The following PARD3 variants were observed in gnomAD, a reference collection of about 807,000 sequenced individuals.
The protein encoded by PARD3 is par-3 family cell polarity regulator.
Under a neutral mutation model 155.4 loss-of-function variants are expected in PARD3, and 75 were observed. That is an observed-to-expected ratio of 0.48 (90% CI 0.40 to 0.58). The LOEUF is 0.58. Among genes scored for constraint, PARD3 ranks in the 20% least tolerant of loss-of-function variants. The probability of loss-of-function intolerance (pLI) is 0.00; values close to 1 mark genes in which losing one functional copy is unlikely to be tolerated. For missense variants in PARD3, 1,642 were observed against 1,721.7 expected, an observed-to-expected ratio of 0.95 and a Z score of 0.82; for synonymous variants, 576 against 610.5, an observed-to-expected ratio of 0.94 and a Z score of 0.83.
chr10:34,389,676 T>C (rs1022061604), intron 7 of PARD3, among the ~76,000 whole-genome samples: 1 of 152,124 alleles, frequency 6.6e-6, no homozygotes, highest in African/African-American at 2.4e-5. Context: ...GTGGGCAGAA[T>C]AGGGTCTCAT....
At chr10:34,202,235 G>C (rs1951252915) in intron 22 of PARD3, among the ~76,000 whole-genome samples, 1 of 152,058 alleles carries the variant, frequency 6.6e-6, no homozygotes, top group Non-Finnish European at 1.5e-5. Context: ...ATAATACCCG[G>C]CTAATTTTTA....
chr10:34,516,102 T>C (rs1240370348), intron 3 of PARD3, among the ~76,000 whole-genome samples: 1 of 152,070 alleles, frequency 6.6e-6, no homozygotes, highest in Non-Finnish European at 1.5e-5. Context: ...GTAGCTGGGA[T>C]TACAGGCAAC....
At position 34,563,813 on chromosome 10, in the gene PARD3, G is replaced by T. The variant is rs147465516; in HGVS notation, c.223-46654C>A. Among the ~76,000 whole-genome samples the T allele has an allele frequency of 4.8e-3, 733 of 152,234 alleles. 7 individuals are homozygous for T. The highest frequency in any genetic ancestry group is 0.017 in the African/African-American group (706 of 41,552). On this transcript the variant is annotated intron_variant, in intron 2 of 24. Transcript: ENST00000374788. ...CAAAGTGTTGGGATTACAGGTGTGA[G>T]ATACCACACCGAATCCATGTATATT...
chr10:34,307,176 C>T (rs1388788837), intron 20 of PARD3, among the ~76,000 whole-genome samples: 1 of 152,152 alleles, frequency 6.6e-6, no homozygotes, highest in Non-Finnish European at 1.5e-5. Context: ...AGGCGTGAGC[C>T]ACCGCACCCG....
At chr10:34,397,013 A>G (rs1843410935) in intron 7 of PARD3, among the ~76,000 whole-genome samples, 1 of 152,196 alleles carries the variant, frequency 6.6e-6, no homozygotes, top group African/African-American at 2.4e-5. Context: ...TAATTGTGTG[A>G]TTTCTTGGCT....
intron 22 of PARD3, among the ~76,000 whole-genome samples, chr10:34,261,549 C>G (rs1025352138): frequency 6.6e-6 from 1 of 151,774 alleles, no homozygotes; most frequent in African/African-American, 2.4e-5. Flanking sequence ...ATTAGCCAAG[C>G]ATGATGGCAC....
At position 34,456,191 on chromosome 10, in the gene PARD3, G is replaced by A. The variant is rs180744921; in HGVS notation, c.583-5743C>T. On this transcript the variant is annotated intron_variant, in intron 4 of 24. Coordinates refer to ENST00000374788, the MANE Select transcript of PARD3 (RefSeq NM_001184785.2). ...AGTTTGCTAAACTATGGTGGAGTCTGCAACCAGAAACACTGGTCAGAATCC... is the reference window on the plus strand; with the variant it reads ...AGTTTGCTAAACTATGGTGGAGTCTACAACCAGAAACACTGGTCAGAATCC... 7.3e-3 allele frequency among the ~76,000 whole-genome samples: 1,105 copies of A among 152,306 alleles called. 14 individuals carry two copies. The highest frequency in any genetic ancestry group is 0.026 in the African/African-American group (1,063 of 41,564).
chr10:34,168,877 C>T (rs898661099), intron 22 of PARD3, among the ~76,000 whole-genome samples: 1 of 152,184 alleles, frequency 6.6e-6, no homozygotes, highest in Non-Finnish European at 1.5e-5. Context: ...TACTGATGTT[C>T]CTGCTTCCTA....
At chr10:34,539,710 T>G (rs918787520) in intron 2 of PARD3, among the ~76,000 whole-genome samples, 1 of 152,236 alleles carries the variant, frequency 6.6e-6, no homozygotes, top group South Asian at 2.1e-4. Context: ...TACTACTCTG[T>G]GTGGCCTTGG....
intron 22 of PARD3, among the ~76,000 whole-genome samples, chr10:34,263,361 A>G (rs1290760448): frequency 6.6e-6 from 1 of 152,178 alleles, no homozygotes; most frequent in Non-Finnish European, 1.5e-5. Flanking sequence ...AGCTGATGGC[A>G]GAAGAGCCCA....
intron 1 of PARD3, among the ~76,000 whole-genome samples, chr10:34,752,630 A>C (rs1836196446): frequency 6.6e-6 from 1 of 152,170 alleles, no homozygotes; most frequent in Non-Finnish European, 1.5e-5. Flanking sequence ...AAGTGTAATC[A>C]TTACATCAAA....
intron 3 of PARD3, among the ~76,000 whole-genome samples, chr10:34,488,369 G>C (rs1401486507): frequency 6.6e-6 from 1 of 151,688 alleles, no homozygotes; most frequent in African/African-American, 2.4e-5. Context: ...ACCCAGGCTG[G>C]AGTGCAGTGA....
chr10:34,671,935 G>C (rs2093617388), intron 2 of PARD3, among the ~76,000 whole-genome samples: 1 of 152,094 alleles, frequency 6.6e-6, no homozygotes, highest in African/African-American at 2.4e-5. Flanking sequence ...GATAACCTTG[G>C]AGGCCAAGGT....
chr10:34,481,801 A>G (rs897005204), intron 3 of PARD3, among the ~76,000 whole-genome samples: 2 of 152,112 alleles, frequency 1.3e-5, no homozygotes, highest in Non-Finnish European at 2.9e-5. Flanking sequence ...AAGTAGAAAA[A>G]AAAAATCACT....
intron 12 of PARD3, among the ~76,000 whole-genome samples, chr10:34,363,472 TAGAC>T (rs1839659514): frequency 6.6e-6 from 1 of 152,204 alleles, no homozygotes; most frequent in Non-Finnish European, 1.5e-5. Context: ...GCTTTTGACA[TAGAC>T]AGAAATTAAT....
intron 21 of PARD3, among the ~76,000 whole-genome samples, chr10:34,270,139 T>TC (rs1443098020): frequency 1.5e-5 from 2 of 130,602 alleles, no homozygotes; most frequent in Non-Finnish European, 3.2e-5. Flanking sequence ...ATAATTTAAA[T>TC]CTTTTTTTTT....
At chr10:34,453,901 C>A (rs1034861884) in intron 4 of PARD3, among the ~76,000 whole-genome samples, 2 of 152,162 alleles carry the variant, frequency 1.3e-5, no homozygotes, top group Non-Finnish European at 2.9e-5. Context: ...AAGAATTTTA[C>A]AATTTTATAT....
intron 14 of PARD3, among the ~76,000 whole-genome samples, chr10:34,348,606 C>T (rs1199747551): frequency 6.6e-6 from 1 of 152,164 alleles, no homozygotes. Flanking sequence ...TTATTACCTA[C>T]TCTACAAGAC....
At chr10:34,666,616 C>T (rs2093476790) in intron 2 of PARD3, among the ~76,000 whole-genome samples, 1 of 151,398 alleles carries the variant, frequency 6.6e-6, no homozygotes, top group Admixed American at 6.6e-5. Flanking sequence ...CTCAGCCCTC[C>T]AGGCAGGAAG....
Sources: gnomAD v4.1 joint callset for allele counts (sites outside exome capture counted in the v4.1 genomes callset) on GRCh38, gnomAD v4.1.1 for gene constraint, MANE v1.5 for transcripts, NCBI Gene and HGNC (gene_info 2026-07-23, HGNC 2026-07-21) for gene names.